Variants in ZNF821 observed in about 807,000 individuals in gnomAD.
ZNF821 encodes zinc finger protein 821.
In ZNF821, 16 loss-of-function variants were observed where a neutral mutation model predicts 44.3. The ratio of observed to expected loss-of-function variants is 0.36; its 90% confidence interval spans 0.24 to 0.55. The LOEUF (loss-of-function observed/expected upper bound fraction) is 0.55. Ranked by LOEUF, ZNF821 falls within the 20% of genes least tolerant of loss-of-function variation. The pLI is 0.86. For synonymous variants in ZNF821, 204 were observed against 197.6 expected, an observed-to-expected ratio of 1.03 and a Z score of -0.27; for missense variants, 436 against 547.6, an observed-to-expected ratio of 0.80 and a Z score of 2.03.
At chr16:71,861,964 T>G in intron 6 of ZNF821, 22 bp from the exon 7 acceptor site, 1 of 1,611,990 alleles carries the variant, frequency 6.2e-7, no homozygotes, top group Non-Finnish European at 8.5e-7. Context: ...AGCCTTGATC[T>G]GTCAGTCTTG....
At chr16:71,893,991 G>A (rs2036915607) in intron 1 of ZNF821, 1 of 151,880 alleles carries the variant, frequency 6.6e-6, no homozygotes, top group South Asian at 2.1e-4. Context: ...TGTTGGTCAG[G>A]CTGGTCTTGA....
intron 3 of ZNF821, among the ~76,000 whole-genome samples, chr16:71,877,409 T>C (rs1379159039): frequency 1.3e-5 from 2 of 152,096 alleles, no homozygotes; most frequent in Non-Finnish European, 1.5e-5. Context: ...TATAGATGTA[T>C]GCCCCCAGGC....
chr16:71,887,987 C>T (rs1232987865), upstream of ZNF821, among the ~76,000 whole-genome samples: 4 of 151,946 alleles, frequency 2.6e-5, no homozygotes, highest in Non-Finnish European at 2.9e-5. Flanking sequence ...CTCAGCCTCC[C>T]GAGTAGCTGG....
upstream of ZNF821, among the ~76,000 whole-genome samples, chr16:71,889,452 C>T (rs1176739722): frequency 1.3e-5 from 2 of 152,048 alleles, no homozygotes; most frequent in Admixed American, 6.6e-5. Flanking sequence ...GTGCATGGAT[C>T]ACTTGAGATC....
At chr16:71,877,947 A>G (rs2036003435) in intron 3 of ZNF821, among the ~76,000 whole-genome samples, 1 of 147,474 alleles carries the variant, frequency 6.8e-6, no homozygotes, top group Non-Finnish European at 1.5e-5. Flanking sequence ...ATTATATAAA[A>G]AAATAAAATA....
chr16:71,870,765 C>A (rs2035106972), intron 3 of ZNF821, among the ~76,000 whole-genome samples: 1 of 152,196 alleles, frequency 6.6e-6, no homozygotes, highest in South Asian at 2.1e-4. Flanking sequence ...CAAGCATGAG[C>A]CACTGTGCCT....
At chr16:71,866,773 G>C (rs1340398208) in intron 4 of ZNF821, among the ~76,000 whole-genome samples, 2 of 152,062 alleles carry the variant, frequency 1.3e-5, no homozygotes, top group Admixed American at 6.6e-5. Flanking sequence ...TTTTGTGCCC[G>C]AGCAATTAAT....
At chr16:71,891,824 A>C (rs1420092820) in intron 1 of ZNF821, among the ~76,000 whole-genome samples, 1 of 151,962 alleles carries the variant, frequency 6.6e-6, no homozygotes, top group Non-Finnish European at 1.5e-5. Flanking sequence ...CCTGACCAAC[A>C]CGGTGAAACC....
At chr16:71,868,674 G>A (rs147988639) in intron 3 of ZNF821, among the ~76,000 whole-genome samples, 65 of 152,018 alleles carry the variant, frequency 4.3e-4, no homozygotes, top group African/African-American at 1.5e-3. Context: ...ACTCACTTCT[G>A]CAGAAGAACA....
chr16:71,877,981 A>T (rs2036011612), intron 3 of ZNF821, among the ~76,000 whole-genome samples: 2 of 147,358 alleles, frequency 1.4e-5, no homozygotes, highest in East Asian at 2.0e-4. Context: ...ATGTATATAT[A>T]TTTTATATAT....
At chr16:71,890,515 G>C (rs1301344324) in intron 1 of ZNF821, 1 of 150,376 alleles carries the variant, frequency 6.6e-6, no homozygotes, top group African/African-American at 2.5e-5. Flanking sequence ...TCAGCCTCCT[G>C]AGTAGCTGGG....
In ZNF821 at chr16:71,860,984, T is replaced by C. The variant is rs1361138985; in HGVS notation, c.585-312A>G. On this transcript the variant is annotated intron_variant, in intron 7 of 7. Coordinates refer to ENST00000425432, the MANE Select transcript of ZNF821 (RefSeq NM_001201552.2). This position sits in a 1 kb window ranked among gnomAD's most constrained non-coding sequence, Gnocchi z 7.3. ...CATTCTCCTGCCTCAGCCTCCTGAGTAGCTGGGATTACAGGCGCACGCCAC... is the reference window on the plus strand; with the variant it reads ...CATTCTCCTGCCTCAGCCTCCTGAGCAGCTGGGATTACAGGCGCACGCCAC... 6.6e-6 allele frequency among the ~76,000 whole-genome samples: 1 copy of C among 151,898 alleles called. No homozygotes were observed. The highest frequency in any genetic ancestry group is 1.5e-5 in the Non-Finnish European group (1 of 67,976).
chr16:71,865,105 G>T (rs2034383003), intron 4 of ZNF821, 57 bp from the exon 5 acceptor site: 2 of 1,603,446 alleles, frequency 1.2e-6, no homozygotes, highest in African/African-American at 2.7e-5. Context: ...ATCCTGAGCT[G>T]CTCTCCACCC....
Position 71,895,040 on chromosome 16 carries a change from A to T in ZNF821, n.297T>A, listed in dbSNP as rs555888456. ...GCTTAGAGCCCGTAGAGGGACACGG[A>T]GGCGCTGGGTGAAGAGTCAGGGATA... On this transcript the variant is annotated non_coding_transcript_exon_variant, in exon 1 of 3. Transcript: ENST00000561700. The T allele has an allele frequency of 6.0e-6, 3 of 497,614 alleles. No individual in the cohort carries two copies. In the East Asian group the frequency reaches 1.1e-4, roughly 18 times the overall value. 30.8% of individuals were successfully genotyped at this position (497,614 alleles called of 1,614,324 possible). A position where few individuals can be genotyped will look rare whatever the true frequency, so the allele number is the denominator to read the frequency against.
At chr16:71,868,746 G>GTTT (rs370527672) in intron 3 of ZNF821, among the ~76,000 whole-genome samples, 2 of 145,838 alleles carry the variant, frequency 1.4e-5, no homozygotes, top group Non-Finnish European at 3.0e-5. Context: ...TCTTGGTCCA[G>GTTT]TTTTTTTTTT....
intron 6 of ZNF821, among the ~76,000 whole-genome samples, chr16:71,863,532 G>A (rs1462467380): frequency 2.6e-5 from 4 of 150,994 alleles, no homozygotes; most frequent in Non-Finnish European, 5.9e-5. Context: ...TACTACAGGT[G>A]CAAGCCACCA....
exon 1 of ZNF821, chr16:71,895,006 C>A: frequency 1.7e-6 from 1 of 587,600 alleles, no homozygotes. Context: ...AAAAGCGGGG[C>A]GGGGGAACGC....
At chr16:71,864,716 A>C (rs1289937529) in intron 5 of ZNF821, 187 bp downstream of exon 5, 2 of 660,272 alleles carry the variant, frequency 3.0e-6, no homozygotes, top group Non-Finnish European at 5.1e-6. Flanking sequence ...TGGATGGAAA[A>C]GGAAAACTGA....
intron 3 of ZNF821, among the ~76,000 whole-genome samples, chr16:71,871,659 T>C (rs1352189881): frequency 6.6e-6 from 1 of 152,192 alleles, no homozygotes; most frequent in Non-Finnish European, 1.5e-5. Flanking sequence ...AAAAAAATCC[T>C]CTGGTCCCTA....
Sources: allele counts gnomAD v4.1 joint callset (sites outside exome capture counted in the v4.1 genomes callset), GRCh38; gene constraint gnomAD v4.1.1; non-coding constraint Gnocchi (gnomAD v3.1); transcripts MANE v1.5; gene names NCBI Gene and HGNC (gene_info 2026-07-23, HGNC 2026-07-21).